The following ITGAD variants were observed in gnomAD, a reference collection of about 807,000 sequenced individuals.
The protein encoded by ITGAD is integrin subunit alpha D.
Under a neutral mutation model 139.0 loss-of-function variants are expected in ITGAD, and 105 were observed. That is an observed-to-expected ratio of 0.76 (90% confidence interval 0.65 to 0.89). ITGAD has a LOEUF of 0.89. Among genes scored for constraint, ITGAD ranks in the 40% least tolerant of loss-of-function variants. ITGAD has a pLI of 0.00. For missense variants in ITGAD, 1,384 were observed against 1,487.3 expected (o/e 0.93, Z 1.14); for synonymous variants, 569 against 598.3 (o/e 0.95, Z 0.71).
intron 14 of ITGAD, 43 bp downstream of exon 14, chr16:31,411,560 A>G (rs1422635134): frequency 1.3e-6 from 2 of 1,593,976 alleles, no homozygotes; most frequent in Non-Finnish European, 8.6e-7. Context: ...GCTCCTTCCC[A>G]TGTCCTGAGT....
At chr16:31,407,367 CA>C in intron 7 of ITGAD, 147 bp from the exon 8 acceptor site, 1 of 781,290 alleles carries the variant, frequency 1.3e-6, no homozygotes, top group Admixed American at 2.9e-5. Flanking sequence ...AAAGAAAACC[CA>C]AAACGGCAAA....
rs1218483182 is a variant in ITGAD, at chr16:31,400,314, G to A, written c.428-1801G>A. ...CACCAGTGGTTGAGCAAGTGGGGTA[G>A]GGGAGAGGAAAGAGGAAAAGGCATT... On this transcript the variant is annotated intron_variant, in intron 5 of 29. Transcript: ENST00000389202. Among the ~76,000 whole-genome samples, 4 of 152,260 alleles carry A rather than the reference G, an allele frequency of 2.6e-5. No individual in the cohort carries two copies. The East Asian group carries it at 5.8e-4, about 22-fold the overall frequency.
chr16:31,408,476 G>A lies in ITGAD; in HGVS notation c.1061G>A (p.Gly354Asp). 1 of 1,614,044 alleles carries A rather than the reference G, an allele frequency of 6.2e-7. No individual in the cohort carries two copies. Among genetic ancestry groups the A allele is most frequent in the Non-Finnish European group, 8.5e-7 (1 of 1,179,978 alleles). Residue 354 changes from glycine (G) to aspartate (D), a missense_variant, in exon 10 of 30, where the codon GGC (glycine) becomes GAC (aspartate). By Grantham distance (94) the Gly-to-Asp change is moderately conservative (BLOSUM62 -1). Transcript: ENST00000389202. ...TTCCAGCACGAGATGTCCCAAGAAG[G>A]CTTCAGCACAGCCCTCACAATGGTG... ...SSFQHEMSQE[G>D]FSTALTMDGL... is the part of the protein sequence containing the mutation.
chr16:31,398,650 A>T (rs1012271199), intron 5 of ITGAD, among the ~76,000 whole-genome samples: 4 of 151,532 alleles, frequency 2.6e-5, no homozygotes, highest in African/African-American at 7.3e-5. Context: ...CTGGCTAATT[A>T]AAAAAAATGT....
chr16:31,418,693 G>A, intron 23 of ITGAD, 129 bp downstream of exon 23: 2 of 744,182 alleles, frequency 2.7e-6, no homozygotes, highest in Non-Finnish European at 4.8e-6. Flanking sequence ...CTTTGTGGGT[G>A]AATGGCCATA....
At chr16:31,395,042 C>A (rs879457233) in intron 2 of ITGAD, among the ~76,000 whole-genome samples, 2 of 152,166 alleles carry the variant, frequency 1.3e-5, no homozygotes, top group Non-Finnish European at 2.9e-5. Context: ...CAGGGCTGGG[C>A]ACCATGGCTC....
At chr16:31,425,878 A>C in intron 29 of ITGAD, 137 bp from the exon 30 acceptor site, 1 of 577,992 alleles carries the variant, frequency 1.7e-6, no homozygotes, top group South Asian at 1.9e-5. Flanking sequence ...ACGGGGTTTC[A>C]CCATGTTGGC....
intron 7 of ITGAD, 23 bp from the exon 8 acceptor site, chr16:31,407,492 C>T (rs1381689050): frequency 6.4e-7 from 1 of 1,552,146 alleles, no homozygotes; most frequent in African/African-American, 1.4e-5. Context: ...TCAGTAGAGT[C>T]ATCTTCCTTT....
At chr16:31,399,361 T>G (rs1185701215) in intron 5 of ITGAD, among the ~76,000 whole-genome samples, 1 of 152,190 alleles carries the variant, frequency 6.6e-6, no homozygotes, top group African/African-American at 2.4e-5. Context: ...ATGCTGGGAC[T>G]GGGAGGAAGA....
intron 20 of ITGAD, 95 bp downstream of exon 20, chr16:31,416,741 A>G: frequency 8.0e-7 from 1 of 1,253,670 alleles, no homozygotes; most frequent in Non-Finnish European, 1.1e-6. Context: ...TTCTGTGATG[A>G]TATGTGCTCT....
chr16:31,418,737 T>C (rs1027167333), intron 23 of ITGAD, among the ~76,000 whole-genome samples, 173 bp downstream of exon 23: 1 of 152,230 alleles, frequency 6.6e-6, no homozygotes, highest in African/African-American at 2.4e-5. Flanking sequence ...AAGATGTTTC[T>C]GGGCTGGGCG....
At chr16:31,408,764 T>G (rs923141028) in intron 10 of ITGAD, 5 of 419,378 alleles carry the variant, frequency 1.2e-5, no homozygotes, top group Admixed American at 3.6e-5. Flanking sequence ...GAGAGAGAGA[T>G]AGCCAGAGGA....
intron 28 of ITGAD, 100 bp from the exon 29 acceptor site, chr16:31,424,367 G>T: frequency 1.6e-6 from 2 of 1,271,734 alleles, no homozygotes; most frequent in South Asian, 2.5e-5. Flanking sequence ...TCACTCCTTG[G>T]AGCAGAGCCT....
At position 31,423,361 on chromosome 16, in the gene ITGAD, C is replaced by T. The variant is rs748698356; in HGVS notation, c.2869C>T (p.Leu957Phe). The stretch of plus-strand genomic sequence containing the variant: ...CCTTGATTTCCTGCAGGTGAATAAC[C>T]TCAGCCAGCGAGATCTGGCCATCAG... ...EAEHRYRVNNLSQRDLAISIN... is the reference protein window; with the variant it reads ...EAEHRYRVNNFSQRDLAISIN... The change falls in exon 25 of 30, where the codon CTC becomes TTC. Residue 957 changes from leucine (L) to phenylalanine (F), a missense_variant. Coordinates refer to ENST00000389202, the MANE Select transcript of ITGAD (RefSeq NM_005353.3). 4.3e-6 allele frequency: 7 copies of T among 1,613,878 alleles called. No homozygotes were observed. In the South Asian group the frequency reaches 6.6e-5, roughly 15 times the overall value.
intron 16 of ITGAD, 74 bp from the exon 17 acceptor site, chr16:31,414,377 A>G (rs2081825800): frequency 3.3e-6 from 5 of 1,525,400 alleles, no homozygotes; most frequent in Non-Finnish European, 4.5e-6. Flanking sequence ...CATGTATTGC[A>G]TGAACAAATA....
Position 31,403,609 on chromosome 16 carries a change from G to A in ITGAD, c.668G>A (p.Gly223Asp). 6.2e-7 allele frequency: 1 copy of A among 1,614,110 alleles called. No homozygotes were observed. Among genetic ancestry groups the A allele is most frequent in the Non-Finnish European group, 8.5e-7 (1 of 1,180,022 alleles). ...SLVDPIVQLK[G>D]LTFTATGILT... ...GTGGATCCCATCGTCCAACTGAAAGGCCTGACGTTCACGGCCACGGGCATC... is the reference window on the plus strand; with the variant it reads ...GTGGATCCCATCGTCCAACTGAAAGACCTGACGTTCACGGCCACGGGCATC... Residue 223 changes from glycine to aspartate, a missense_variant, in exon 7 of 30, where the codon GGC becomes GAC. Transcript: ENST00000389202. This position sits in a 1 kb window ranked among gnomAD's most constrained non-coding sequence, Gnocchi z 4.4.
chr16:31,396,303 C>T (rs2081262559), intron 2 of ITGAD, among the ~76,000 whole-genome samples: 1 of 152,306 alleles, frequency 6.6e-6, no homozygotes, highest in South Asian at 2.1e-4. Context: ...GAAACCCTGT[C>T]TCTACTAAAA....
In ITGAD at chr16:31,407,761, T is replaced by G. The variant is rs1295709803; in HGVS notation, c.859-5T>G. ...TCATCCTCCTCGGCTGTCTCTCTGC[T>G]GCAGGTGGGACACGCTTTCCAGGGA... is the stretch of plus-strand genomic sequence containing the variant. On this transcript the variant is annotated splice_region_variant and splice_polypyrimidine_tract_variant and intron_variant, in intron 8 of 29. Transcript: ENST00000389202. The G allele has an allele frequency of 1.9e-6, 3 of 1,613,808 alleles. No individual in the cohort carries two copies. Among genetic ancestry groups the G allele is most frequent in the Non-Finnish European group, 2.5e-6 (3 of 1,179,818 alleles).
At position 31,394,330 on chromosome 16, in the gene ITGAD, C is replaced by G; in HGVS notation, c.126C>G (p.Phe42Leu). 2.5e-6 allele frequency: 4 copies of G among 1,612,104 alleles called. No individual in the cohort carries two copies. Among genetic ancestry groups the G allele is most frequent in the Non-Finnish European group, 3.4e-6 (4 of 1,178,584 alleles). Residue 42 changes from phenylalanine (F) to leucine (L), a missense_variant, in exon 2 of 30, where the codon TTC (phenylalanine) becomes TTG (leucine). Transcript: ENST00000389202. ...AGGFGQSVVQ[F>L]GGSRLVVGAP... Reference sequence around the variant, plus strand: ...GCTTTGGGCAGAGCGTGGTGCAGTTCGGTGGATCTCGGTAGGCCCCACTCA... The same window carrying G: ...GCTTTGGGCAGAGCGTGGTGCAGTTGGGTGGATCTCGGTAGGCCCCACTCA...
Sources: gnomAD v4.1 joint callset for allele counts (sites outside exome capture counted in the v4.1 genomes callset) on GRCh38, gnomAD v4.1.1 for gene constraint, Gnocchi (gnomAD v3.1) non-coding constraint, MANE v1.5 for transcripts, NCBI Gene and HGNC (gene_info 2026-07-23, HGNC 2026-07-21) for gene names.